The following SDR42E2 variants were observed in gnomAD, a reference collection of about 807,000 sequenced individuals.
The protein encoded by SDR42E2 is putative short-chain dehydrogenase/reductase family 42E member 2.
Under a neutral mutation model 10.5 loss-of-function variants are expected in SDR42E2, and 20 were observed. The observed-to-expected ratio is 1.90, with a 90% confidence interval of 1.34 to 2.77. The LOEUF is 2.77. Ranked by LOEUF, SDR42E2 falls within the 30% of genes most tolerant of loss-of-function variation. The probability of loss-of-function intolerance (pLI) is 0.00; values close to 1 mark genes in which losing one functional copy is unlikely to be tolerated. For missense variants in SDR42E2, 162 were observed against 104.2 expected (o/e 1.55, Z -2.42); for synonymous variants, 72 against 39.2 (o/e 1.84, Z -3.12).
chr16:22,177,989 A>G lies in SDR42E2; in HGVS notation c.590-141A>G, dbSNP rs775242340. 1.3e-4 allele frequency: 78 copies of G among 580,450 alleles called. 1 individual carries two copies. The highest frequency in any genetic ancestry group is 2.0e-4 in the Non-Finnish European group (66 of 324,516). The allele number at this position is 580,450 out of a possible 1,614,324, so 36.0% of individuals were successfully genotyped here. A position where few individuals can be genotyped will look rare whatever the true frequency, so the allele number is the denominator to read the frequency against. On this transcript the variant is annotated intron_variant, in intron 7 of 12. Transcript: ENST00000602312. ...TTGAATGACTGACTAAGAGAATAAT[A>G]AATTGAACGAGGAAGCCCCTGGGCC... is the stretch of plus-strand genomic sequence containing the variant.
At position 22,178,160 on chromosome 16, in the gene SDR42E2, G is replaced by A. The variant is rs1377363257; in HGVS notation, c.620G>A (p.Arg207Gln). Reference protein sequence around the residue: ...GGGTLRTCVLRPPGIYGPEEQ... With the variant: ...GGGTLRTCVLQPPGIYGPEEQ... ...GGCACTCTTCGGACGTGTGTGCTCC[G>A]GCCTCCAGGGATCTACGGCCCTGAA... The change falls in exon 8 of 13, where the codon CGG becomes CAG. Residue 207 changes from arginine (R) to glutamine (Q), a missense_variant. Coordinates refer to ENST00000602312, the MANE Select transcript of SDR42E2 (RefSeq NM_001394319.2). 4.3e-5 allele frequency: 30 copies of A among 702,750 alleles called. No individual in the cohort carries two copies. Among genetic ancestry groups the A allele is most frequent in the Non-Finnish European group, 6.5e-5 (25 of 384,966 alleles). 43.5% of individuals were successfully genotyped at this position (702,750 alleles called of 1,614,324 possible).
rs2046540314 is a variant in SDR42E2, at chr16:22,166,395, A to C, written c.201A>C (p.Arg67Ser). Residue 67 changes from arginine (R) to serine (S), a missense_variant, in exon 3 of 13, where the codon AGA (arginine) becomes AGC (serine). Arg to Ser is a moderately radical substitution (Grantham distance 110). Transcript: ENST00000602312. ...GTSVILLDRRRPQWELSPETK... is the reference protein window; with the variant it reads ...GTSVILLDRRSPQWELSPETK... ...CCGTCATTCTGCTTGACCGCCGCAGACCCCAGTGGGAACTGTCCCCGGAAA... is the reference window on the plus strand; with the variant it reads ...CCGTCATTCTGCTTGACCGCCGCAGCCCCCAGTGGGAACTGTCCCCGGAAA... 2.5e-6 allele frequency: 1 copy of C among 402,378 alleles called. No individual in the cohort carries two copies. The highest frequency in any genetic ancestry group is 4.4e-6 in the Non-Finnish European group (1 of 227,262). The allele number at this position is 402,378 out of a possible 1,614,324, so 24.9% of individuals were successfully genotyped here. A position where few individuals can be genotyped will look rare whatever the true frequency, so the allele number is the denominator to read the frequency against.
At chr16:22,171,678 G>A (rs553498207) in intron 6 of SDR42E2, among the ~76,000 whole-genome samples, 3 of 152,158 alleles carry the variant, frequency 2.0e-5, no homozygotes, top group East Asian at 3.9e-4. Context: ...GACTACAGTC[G>A]TGCGCCACCA....
rs1327975826 is a variant in SDR42E2 at position 22,166,207 on chromosome 16, A to C, written c.56-43A>C. 9.7e-6 allele frequency: 4 copies of C among 412,032 alleles called. No individual in the cohort carries two copies. The East Asian group carries it at 1.4e-4, about 15-fold the overall frequency. The allele number at this position is 412,032 out of a possible 1,614,324, so 25.5% of individuals were successfully genotyped here. A position where few individuals can be genotyped will look rare whatever the true frequency, so the allele number is the denominator to read the frequency against. Reference sequence around the variant, plus strand: ...GCCTGGGCTCAGACAGGGGTCTGGGACTGGGCCCAGACCCAGTGAGTCAAC... The same window carrying C: ...GCCTGGGCTCAGACAGGGGTCTGGGCCTGGGCCCAGACCCAGTGAGTCAAC... On this transcript the variant is annotated intron_variant, in intron 2 of 12. Coordinates refer to ENST00000602312, the MANE Select transcript of SDR42E2 (RefSeq NM_001394319.2).
At chr16:22,172,114 G>T (rs1250552552) in intron 6 of SDR42E2, 142 bp from the exon 7 acceptor site, 1 of 634,762 alleles carries the variant, frequency 1.6e-6, no homozygotes, top group African/African-American at 1.8e-5. Flanking sequence ...CACCCAGGGG[G>T]AGAGGAAAGG....
intron 4 of SDR42E2, among the ~76,000 whole-genome samples, chr16:22,168,040 A>T (rs1328986398): frequency 6.6e-6 from 1 of 151,974 alleles, no homozygotes; most frequent in Non-Finnish European, 1.5e-5. Context: ...CACCCATTTT[A>T]CTGTTTGAAT....
intron 4 of SDR42E2, 99 bp downstream of exon 4, chr16:22,167,098 T>C (rs1419981694): frequency 1.1e-4 from 64 of 561,264 alleles, no homozygotes; most frequent in Non-Finnish European, 1.2e-4. Context: ...CTTCACCTAT[T>C]ATAGGAGGGA....
intron 4 of SDR42E2, 125 bp downstream of exon 4, chr16:22,167,124 C>T (rs1263688110): frequency 9.0e-6 from 4 of 442,520 alleles, no homozygotes; most frequent in Admixed American, 7.2e-5. Context: ...GCTACTCCCA[C>T]CCTGCATCCT....
intron 8 of SDR42E2, among the ~76,000 whole-genome samples, chr16:22,179,099 T>A (rs1302119172): frequency 6.6e-6 from 1 of 152,112 alleles, no homozygotes; most frequent in African/African-American, 2.4e-5. Flanking sequence ...ACTCAAGCGA[T>A]CCTCCTGCCT....
At chr16:22,173,905 GTATATATATATA>G (rs770541596) in intron 7 of SDR42E2, among the ~76,000 whole-genome samples, 6 of 115,030 alleles carry the variant, frequency 5.2e-5, no homozygotes, top group Non-Finnish European at 3.6e-5. Context: ...ATGTGTGTGT[GTATATATATATA>G]TATATATATA....
intron 7 of SDR42E2, among the ~76,000 whole-genome samples, chr16:22,173,689 A>C (rs75729052): frequency 0.025 from 3,870 of 152,076 alleles, 87 homozygotes; most frequent in South Asian, 0.077. Context: ...TCTAAGCTTC[A>C]GAACCAAATT....
chr16:22,186,832 C>T, intron 12 of SDR42E2, 38 bp downstream of exon 12: 1 of 400,848 alleles, frequency 2.5e-6, no homozygotes, highest in East Asian at 3.6e-5. Flanking sequence ...GGCCCTGCTC[C>T]CCATCCCTCC....
At position 22,190,777 on chromosome 16, in the gene SDR42E2, A is replaced by G. The variant is rs2142086774; in HGVS notation, c.*384A>G. 1 of 193,290 alleles carries G rather than the reference A, an allele frequency of 5.2e-6. No individual in the cohort carries two copies. Among genetic ancestry groups the G allele is most frequent in the South Asian group, 1.7e-4 (1 of 5,886 alleles). 12.0% of individuals were successfully genotyped at this position (193,290 alleles called of 1,614,324 possible). On this transcript the variant is annotated 3_prime_UTR_variant, in exon 13 of 13. Transcript: ENST00000602312. ...ACCACGCCCTTGACCCGCCCTTCAA[A>G]TTGGGCACGCCTTCTTCCCCGCTCA...
chr16:22,182,200 T>G lies in SDR42E2; in HGVS notation c.811-12T>G. The stretch of plus-strand genomic sequence containing the variant: ...AGAAGGCTGACCGTCCCCTCCCACA[T>G]GTCCCCTTCAGAGTGGGCAGGCGTA... On this transcript the variant is annotated splice_polypyrimidine_tract_variant and intron_variant, in intron 9 of 12. Coordinates refer to ENST00000602312, the MANE Select transcript of SDR42E2 (RefSeq NM_001394319.2). 1 of 405,336 alleles carries G rather than the reference T, an allele frequency of 2.5e-6. No homozygotes were observed. Among genetic ancestry groups the G allele is most frequent in the Non-Finnish European group, 4.4e-6 (1 of 229,232 alleles). The allele number at this position is 405,336 out of a possible 1,614,324, so 25.1% of individuals were successfully genotyped here.
At chr16:22,178,015 G>T (rs1446889059) in intron 7 of SDR42E2, 115 bp from the exon 8 acceptor site, 1 of 592,232 alleles carries the variant, frequency 1.7e-6, no homozygotes. Context: ...CCCCTGGGCC[G>T]GTCTTCCCCT....
intron 5 of SDR42E2, among the ~76,000 whole-genome samples, 192 bp downstream of exon 5, chr16:22,169,694 G>T (rs575297792): frequency 6.6e-6 from 1 of 152,278 alleles, no homozygotes; most frequent in Admixed American, 6.5e-5. Context: ...GGAACATGGG[G>T]ACCAGAGTTA....
At chr16:22,178,270 A>G (rs2046662565) in intron 8 of SDR42E2, 58 bp downstream of exon 8, 2 of 689,400 alleles carry the variant, frequency 2.9e-6, no homozygotes, top group Non-Finnish European at 5.3e-6. Flanking sequence ...TGAGGTGTAC[A>G]CTGGTCGGGC....
At chr16:22,163,939 G>C (rs184351262) in intron 1 of SDR42E2, among the ~76,000 whole-genome samples, 1 of 152,264 alleles carries the variant, frequency 6.6e-6, no homozygotes, top group African/African-American at 2.4e-5. Flanking sequence ...ATGCAGGGCA[G>C]AGATGCACCT....
intron 6 of SDR42E2, among the ~76,000 whole-genome samples, chr16:22,171,161 T>G (rs1009056977): frequency 6.6e-6 from 1 of 152,216 alleles, no homozygotes; most frequent in Non-Finnish European, 1.5e-5. Flanking sequence ...GGCCTTAGCC[T>G]CAACCTGGCC....
Sources: gnomAD v4.1 joint callset for allele counts (sites outside exome capture counted in the v4.1 genomes callset) on GRCh38, gnomAD v4.1.1 for gene constraint, MANE v1.5 for transcripts, NCBI Gene and HGNC (gene_info 2026-07-23, HGNC 2026-07-21) for gene names.